The following SWAP70 variants were observed in gnomAD, a reference collection of about 807,000 sequenced individuals.
The protein encoded by SWAP70 is switching B cell complex subunit SWAP70.
Under a neutral mutation model 80.2 loss-of-function variants are expected in SWAP70, and 34 were observed. The ratio of observed to expected loss-of-function variants is 0.42; its 90% CI spans 0.32 to 0.56. The LOEUF (loss-of-function observed/expected upper bound fraction) is 0.56. SWAP70 is among the 20% of genes least tolerant of loss of function. The pLI is 0.09. For missense variants in SWAP70, 578 were observed against 690.7 expected (o/e 0.84, Z 1.83); for synonymous variants, 239 against 238.5 (o/e 1.00, Z -0.02).
chr11:9,683,382 C>T (rs1025101015), intron 1 of SWAP70, among the ~76,000 whole-genome samples: 3 of 151,632 alleles, frequency 2.0e-5, no homozygotes, highest in Non-Finnish European at 4.4e-5. Context: ...AGCTACTGCA[C>T]TCCAGCCTGA....
chr11:9,664,162 G>A lies in SWAP70; in HGVS notation c.-18G>A, dbSNP rs1310242976. On this transcript the variant is annotated 5_prime_UTR_variant, in exon 1 of 12. Transcript: ENST00000318950. ...CTGGCTGGGCAGGAGGGGTTGGCGG[G>A]GCAGCAGGGCCGCGGCCATGGGGAG... is the stretch of plus-strand genomic sequence containing the variant. The A allele has an allele frequency of 4.5e-6, 7 of 1,557,146 alleles. No individual in the cohort carries two copies. In the South Asian group the frequency reaches 4.8e-5, roughly 11 times the overall value.
At chr11:9,741,585 G>A (rs1851438564) in intron 9 of SWAP70, 1 of 152,174 alleles carries the variant, frequency 6.6e-6, no homozygotes, top group Non-Finnish European at 1.5e-5. Flanking sequence ...GATTGTTTTT[G>A]TGCAAAGAAT....
chr11:9,674,409 C>T (rs937555492), intron 1 of SWAP70, among the ~76,000 whole-genome samples: 3 of 151,982 alleles, frequency 2.0e-5, no homozygotes, highest in Admixed American at 1.3e-4. Flanking sequence ...TTAAAAAAAA[C>T]CCTTGGGAAG....
At chr11:9,684,599 T>C (rs1350667935) in intron 1 of SWAP70, among the ~76,000 whole-genome samples, 1 of 152,196 alleles carries the variant, frequency 6.6e-6, no homozygotes, top group South Asian at 2.1e-4. Context: ...ACTTCTCTAC[T>C]AGATCTCAGG....
Position 9,728,122 on chromosome 11 carries a change from A to G in SWAP70, c.712A>G (p.Ile238Val). The change falls in exon 5 of 12, where the codon ATA (isoleucine) becomes GTA (valine). Residue 238 changes from isoleucine (I) to valine (V), a missense_variant. Ile to Val is a conservative substitution (Grantham distance 29). Coordinates refer to ENST00000318950, the MANE Select transcript of SWAP70 (RefSeq NM_015055.4). ...TERWFVLKPN[I>V]ISYYVSEDLK... ...AAGATGGTTTGTACTAAAACCCAAC[A>G]TAATTTCTTACTATGTGAGTGAGGA... 1.2e-6 allele frequency: 2 copies of G among 1,613,204 alleles called. No homozygotes were observed. The highest frequency in any genetic ancestry group is 1.7e-6 in the Non-Finnish European group (2 of 1,179,704).
rs760503703 is a variant in SWAP70 at position 9,664,246 on chromosome 11, C to T, written c.67C>T (p.His23Tyr). ...CGCCTTCACCGCACTCGACCAGGACCACAGCGGCAAGGTCTCCAAGTCCCA... is the reference window on the plus strand; with the variant it reads ...CGCCTTCACCGCACTCGACCAGGACTACAGCGGCAAGGTCTCCAAGTCCCA... ...WHAFTALDQD[H>Y]SGKVSKSQLK... The change falls in exon 1 of 12, where the codon CAC (histidine) becomes TAC (tyrosine). Residue 23 changes from histidine (H) to tyrosine (Y), a missense_variant. Transcript: ENST00000318950. 4.8e-5 allele frequency: 76 copies of T among 1,592,186 alleles called. No individual in the cohort carries two copies. Among genetic ancestry groups the T allele is most frequent in the Non-Finnish European group, 6.0e-5 (70 of 1,170,086 alleles).
rs1851315520 is a variant in SWAP70, at chr11:9,732,677, A to G, written c.1047A>G (p.Glu349=). Residue 349 remains glutamate, a synonymous_variant, in exon 7 of 12, where the codon GAA becomes GAG. Transcript: ENST00000318950. The stretch of plus-strand genomic sequence containing the variant: ...TGAAGGAACTCCAGGCCGCCAACGA[A>G]AGCAAGCAGCAGGAGCTGGAGGCCG... ...RQMKELQAAN[E]SKQQELEAVR... The G allele has an allele frequency of 1.3e-6, 2 of 1,557,182 alleles. No homozygotes were observed. Among genetic ancestry groups the G allele is most frequent in the African/African-American group, 1.4e-5 (1 of 73,018 alleles).
In SWAP70 at chr11:9,707,552, C is replaced by CTTT. The variant is rs200003596; in HGVS notation, c.241-5912_241-5910dup. 1.0e-3 allele frequency among the ~76,000 whole-genome samples: 134 copies of CTTT among 132,204 alleles called. 2 individuals are homozygous for CTTT. The highest frequency in any genetic ancestry group is 4.1e-3 in the Middle Eastern group (1 of 246). 86.7% of individuals were successfully genotyped at this position (132,204 alleles called of 152,430 possible). A position where few individuals can be genotyped will look rare whatever the true frequency, so the allele number is the denominator to read the frequency against. On this transcript the variant is annotated intron_variant, in intron 2 of 11. Coordinates refer to ENST00000318950, the MANE Select transcript of SWAP70 (RefSeq NM_015055.4). ...TATGTATATAACACATTTTCTTTTT[C>CTTT]TTTTCTTTTTTTTTTTTTTTTGAGA...
At chr11:9,738,382 G>A (rs1851392012) in intron 8 of SWAP70, 62 bp downstream of exon 8, 4 of 1,272,502 alleles carry the variant, frequency 3.1e-6, no homozygotes, top group South Asian at 3.0e-5. Flanking sequence ...GTGGGAACAG[G>A]GAAGGGCTGG....
intron 1 of SWAP70, among the ~76,000 whole-genome samples, chr11:9,675,370 A>G (rs905074982): frequency 0.021 from 696 of 33,466 alleles, 184 homozygotes; most frequent in South Asian, 0.057. Flanking sequence ...AGAGAGAGAG[A>G]GAGAGAGAGA....
chr11:9,725,771 C>T (rs1313614303), intron 4 of SWAP70, among the ~76,000 whole-genome samples: 17 of 151,666 alleles, frequency 1.1e-4, no homozygotes, highest in Non-Finnish European at 2.5e-4. Flanking sequence ...GGGATTTCAC[C>T]AGGTTGGCCA....
chr11:9,715,350 G>A (rs1311336464), intron 3 of SWAP70, among the ~76,000 whole-genome samples: 1 of 152,058 alleles, frequency 6.6e-6, no homozygotes, highest in African/African-American at 2.4e-5. Context: ...AACAGGTGTG[G>A]AGGCTATGCA....
chr11:9,717,575 G>A (rs1442163051), intron 3 of SWAP70, among the ~76,000 whole-genome samples: 1 of 151,386 alleles, frequency 6.6e-6, no homozygotes, highest in African/African-American at 2.4e-5. Context: ...GGTGGTTTGA[G>A]CCTGGGAGGT....
At chr11:9,706,336 T>C (rs908173413) in intron 2 of SWAP70, among the ~76,000 whole-genome samples, 6 of 149,624 alleles carry the variant, frequency 4.0e-5, no homozygotes, top group South Asian at 4.3e-4. Flanking sequence ...GATCTGTGTA[T>C]ACTTGGTGAT....
intron 1 of SWAP70, among the ~76,000 whole-genome samples, chr11:9,683,665 A>G (rs1230454903): frequency 6.6e-6 from 1 of 152,230 alleles, no homozygotes; most frequent in Non-Finnish European, 1.5e-5. Flanking sequence ...TCAAACCATC[A>G]TATGGATTTG....
intron 4 of SWAP70, among the ~76,000 whole-genome samples, chr11:9,725,244 C>T (rs1851193563): frequency 6.6e-6 from 1 of 151,590 alleles, no homozygotes; most frequent in Non-Finnish European, 1.5e-5. Flanking sequence ...TCCCAAAGTG[C>T]TGGGATTACA....
chr11:9,689,621 A>G (rs1345897770), intron 1 of SWAP70, among the ~76,000 whole-genome samples: 1 of 152,210 alleles, frequency 6.6e-6, no homozygotes, highest in African/African-American at 2.4e-5. Flanking sequence ...GATTTGGGGC[A>G]GTCCTTTTAC....
intron 2 of SWAP70, among the ~76,000 whole-genome samples, chr11:9,705,345 A>G (rs112399050): frequency 8.1e-6 from 1 of 122,834 alleles, no homozygotes; most frequent in East Asian, 2.8e-4. Flanking sequence ...TGATCTGTAT[A>G]CACTGGTGAT....
intron 9 of SWAP70, among the ~76,000 whole-genome samples, chr11:9,746,960 A>G (rs1851520007): frequency 6.6e-6 from 1 of 152,226 alleles, no homozygotes; most frequent in Non-Finnish European, 1.5e-5. Flanking sequence ...AGATGCTGGC[A>G]GGTAGTAGTA....
Sources: gnomAD v4.1 joint callset for allele counts (sites outside exome capture counted in the v4.1 genomes callset) on GRCh38, gnomAD v4.1.1 for gene constraint, MANE v1.5 for transcripts, NCBI Gene and HGNC (gene_info 2026-07-23, HGNC 2026-07-21) for gene names.